The following DENND6B variants were observed in gnomAD, a reference collection of about 807,000 sequenced individuals.
DENND6B encodes the protein protein DENND6B.
Under a neutral mutation model 85.1 loss-of-function variants are expected in DENND6B, and 73 were observed. That is an observed-to-expected ratio of 0.86 (90% CI 0.71 to 1.04). The LOEUF is 1.04. DENND6B is among the 50% of genes least tolerant of loss of function. DENND6B has a pLI of 0.00. For missense variants in DENND6B, 715 were observed against 785.8 expected (o/e 0.91, Z 1.08); for synonymous variants, 357 against 329.3 (o/e 1.08, Z -0.91).
At chr22:50,317,479 C>G (rs2041891070) in intron 4 of DENND6B, 106 bp from the exon 5 acceptor site, 2 of 1,301,644 alleles carry the variant, frequency 1.5e-6, no homozygotes, top group African/African-American at 2.9e-5. Context: ...AGATGGAAGG[C>G]TGGAGAACCA....
intron 5 of DENND6B, 114 bp downstream of exon 5, chr22:50,317,179 G>T: frequency 8.9e-7 from 1 of 1,126,622 alleles, no homozygotes; most frequent in Non-Finnish European, 1.3e-6. Flanking sequence ...TGGGGCTGCA[G>T]GAGGGGTGGG....
rs1221336658 is a variant in DENND6B, at chr22:50,309,438, C to G, written c.*2701G>C. On this transcript the variant is annotated 3_prime_UTR_variant, in exon 20 of 20. Coordinates refer to ENST00000413817, the MANE Select transcript of DENND6B (RefSeq NM_001001794.4). The stretch of plus-strand genomic sequence containing the variant: ...GGCCTAGCCCTGGACAGAGGCTCAG[C>G]CAACTCAGAGCGGCCCTGACACTGG... 1 of 152,414 alleles carries G rather than the reference C, an allele frequency of 6.6e-6. No homozygotes were observed. Among genetic ancestry groups the G allele is most frequent in the Admixed American group, 6.5e-5 (1 of 15,286 alleles). 9.4% of individuals were successfully genotyped at this position (152,414 alleles called of 1,614,324 possible). A position where few individuals can be genotyped will look rare whatever the true frequency, so the allele number is the denominator to read the frequency against.
At chr22:50,314,950 T>C (rs767963710) in intron 9 of DENND6B, 29 bp from the exon 10 acceptor site, 5 of 1,604,454 alleles carry the variant, frequency 3.1e-6, no homozygotes, top group Non-Finnish European at 4.3e-6. Context: ...GTCGGGGAGG[T>C]CAGGCAGGGG....
At chr22:50,318,377 A>G (rs2041924430) in intron 3 of DENND6B, among the ~76,000 whole-genome samples, 1 of 152,182 alleles carries the variant, frequency 6.6e-6, no homozygotes. Flanking sequence ...GCCCAGCCCA[A>G]GGGGTCTGTG....
chr22:50,320,856 T>A (rs549204402), intron 1 of DENND6B, among the ~76,000 whole-genome samples: 330 of 152,316 alleles, frequency 2.2e-3, no homozygotes, highest in Middle Eastern at 6.8e-3. Flanking sequence ...CAGGGGGCCC[T>A]CAGCATGTCT....
chr22:50,316,098 G>C lies in DENND6B; in HGVS notation c.640-11C>G, dbSNP rs773437960. ...GGATGGGATGCGCACCTGGGAGAAGGAGGGAGCAGCTGCCAGAGGGAGTAG... is the reference window on the plus strand; with the variant it reads ...GGATGGGATGCGCACCTGGGAGAAGCAGGGAGCAGCTGCCAGAGGGAGTAG... On this transcript the variant is annotated splice_polypyrimidine_tract_variant and intron_variant, in intron 7 of 19. Coordinates refer to ENST00000413817, the MANE Select transcript of DENND6B (RefSeq NM_001001794.4). 17 of 1,612,714 alleles carry C rather than the reference G, an allele frequency of 1.1e-5. No individual in the cohort carries two copies. Among genetic ancestry groups the C allele is most frequent in the Non-Finnish European group, 1.3e-5 (15 of 1,179,866 alleles).
chr22:50,315,111 C>T (rs1601812482), intron 9 of DENND6B, 190 bp from the exon 10 acceptor site: 1 of 844,616 alleles, frequency 1.2e-6, no homozygotes, highest in East Asian at 2.8e-5. Context: ...TGACAATCCA[C>T]CTGTGCTGGG....
At chr22:50,319,028 G>T (rs367888329) in intron 1 of DENND6B, 25 bp from the exon 2 acceptor site, 2 of 1,585,000 alleles carry the variant, frequency 1.3e-6, no homozygotes, top group Non-Finnish European at 1.7e-6. Context: ...AGAGTGCTTG[G>T]TGACACCATC....
chr22:50,313,688 C>A lies in DENND6B; in HGVS notation c.1240G>T (p.Ala414Ser). Residue 414 changes from alanine (A) to serine (S), a missense_variant, in exon 15 of 20, where the codon GCC becomes TCC. Ala to Ser is a moderately conservative substitution (Grantham distance 99, BLOSUM62 1). Transcript: ENST00000413817. ...QKKRPSDVQS[A>S]LLRRHLLELT... ...TCCAGGAGGTGCCGCCGCAGCAGGG[C>A]GCTCTGCACATCTGACGGCCGCTTC... 1.9e-6 allele frequency: 3 copies of A among 1,600,760 alleles called. No homozygotes were observed. The South Asian group carries it at 3.4e-5, about 18-fold the overall frequency.
In DENND6B at chr22:50,313,731, G is replaced by C; in HGVS notation, c.1204-7C>G. The C allele has an allele frequency of 1.9e-6, 3 of 1,604,330 alleles. No individual in the cohort carries two copies. Among genetic ancestry groups the C allele is most frequent in the Non-Finnish European group, 2.5e-6 (3 of 1,176,934 alleles). On this transcript the variant is annotated splice_polypyrimidine_tract_variant and splice_region_variant and intron_variant, in intron 14 of 19. Coordinates refer to ENST00000413817, the MANE Select transcript of DENND6B (RefSeq NM_001001794.4). ...GCCGCTTCTTCTGCACGCCCTGCAG[G>C]GGAGAGAGGGCCAGGCCCTTGCTGC...
intron 11 of DENND6B, 28 bp downstream of exon 11, chr22:50,314,577 C>A: frequency 1.3e-6 from 2 of 1,556,294 alleles, no homozygotes; most frequent in African/African-American, 2.7e-5. Context: ...GGAGCAAGGG[C>A]AAGAGGCGGG....
intron 1 of DENND6B, among the ~76,000 whole-genome samples, chr22:50,326,403 T>C (rs1021250600): frequency 1.3e-5 from 2 of 152,032 alleles, no homozygotes; most frequent in African/African-American, 4.8e-5. Flanking sequence ...TCCGAGACCT[T>C]TGTTGCAGAA....
At position 50,316,245 on chromosome 22, in the gene DENND6B, C is replaced by G; in HGVS notation, c.568G>C (p.Glu190Gln). The G allele has an allele frequency of 6.2e-7, 1 of 1,603,926 alleles. No homozygotes were observed. The highest frequency in any genetic ancestry group is 8.5e-7 in the Non-Finnish European group (1 of 1,175,814). ...GCAGGCGCCGGCCACTGGTCGATCT[C>G]ACTGCACACTGCGGATGCAGTAGCC... ...LAPCLEAVCS[E>Q]IDQWPAPAPG... Residue 190 changes from glutamate (E) to glutamine (Q), a missense_variant, in exon 7 of 20, where the codon GAG becomes CAG. By Grantham distance (29) the Glu-to-Gln change is conservative. Coordinates refer to ENST00000413817, the MANE Select transcript of DENND6B (RefSeq NM_001001794.4).
At position 50,316,106 on chromosome 22, in the gene DENND6B, A is replaced by G; in HGVS notation, c.640-19T>C. 1 of 1,612,700 alleles carries G rather than the reference A, an allele frequency of 6.2e-7. No individual in the cohort carries two copies. Among genetic ancestry groups the G allele is most frequent in the Non-Finnish European group, 8.5e-7 (1 of 1,179,874 alleles). The stretch of plus-strand genomic sequence containing the variant: ...TGCGCACCTGGGAGAAGGAGGGAGC[A>G]GCTGCCAGAGGGAGTAGGGCATCCC... On this transcript the variant is annotated intron_variant, in intron 7 of 19. Transcript: ENST00000413817.
At chr22:50,318,129 A>G in intron 3 of DENND6B, 109 bp from the exon 4 acceptor site, 1 of 1,076,918 alleles carries the variant, frequency 9.3e-7, no homozygotes, top group Non-Finnish European at 1.3e-6. Flanking sequence ...CTCTGCTGGT[A>G]AATATACCCC....
At chr22:50,319,438 C>T in intron 1 of DENND6B, 3 of 985,438 alleles carry the variant, frequency 3.0e-6, no homozygotes, top group Non-Finnish European at 3.6e-6. Flanking sequence ...ACCCAACCAC[C>T]TCTTGCCCAG....
At chr22:50,313,552 A>AGGG in intron 15 of DENND6B, 53 bp from the exon 16 acceptor site, 1 of 389,646 alleles carries the variant, frequency 2.6e-6, no homozygotes, top group Non-Finnish European at 3.6e-6. Context: ...CCCCAGCCCC[A>AGGG]TCCCCCGCAG....
intron 1 of DENND6B, among the ~76,000 whole-genome samples, chr22:50,325,628 T>C (rs4074135): frequency 0.5 from 75,721 of 151,946 alleles, 20,205 homozygotes; most frequent in African/African-American, 0.7. Context: ...AGTCACCGCG[T>C]CCGGCCAGGA....
chr22:50,311,930 G>T lies in DENND6B; in HGVS notation c.*209C>A. 1.2e-6 allele frequency: 1 copy of T among 838,160 alleles called. No individual in the cohort carries two copies. The highest frequency in any genetic ancestry group is 1.8e-6 in the Non-Finnish European group (1 of 559,646). The allele number at this position is 838,160 out of a possible 1,614,324, so 51.9% of individuals were successfully genotyped here. On this transcript the variant is annotated 3_prime_UTR_variant, in exon 20 of 20. Transcript: ENST00000413817. ...GGGACCCAGGAGGAGGCAAGGCTCT[G>T]CCTGCGAGGAACCCCTATGGTCAAG...
Sources: allele counts gnomAD v4.1 joint callset (sites outside exome capture counted in the v4.1 genomes callset), GRCh38; gene constraint gnomAD v4.1.1; transcripts MANE v1.5; gene names NCBI Gene and HGNC (gene_info 2026-07-23, HGNC 2026-07-21).